PPP1R9A: variants seen among roughly 807,000 people sequenced by gnomAD.
PPP1R9A encodes the protein neurabin-1.
A neutral mutation model predicts 141.9 loss-of-function variants in PPP1R9A; 59 were observed. The ratio of observed to expected loss-of-function variants is 0.42; its 90% CI spans 0.34 to 0.52. The LOEUF (loss-of-function observed/expected upper bound fraction) is 0.52, where lower values mean the gene tolerates loss of function less well. PPP1R9A is among the 20% of genes least tolerant of loss of function. The probability of loss-of-function intolerance (pLI) is 0.10; values close to 1 mark genes in which losing one functional copy is unlikely to be tolerated. For synonymous variants in PPP1R9A, 500 were observed against 569.7 expected (o/e 0.88, Z 1.74); for missense variants, 1,444 against 1,611.9 (o/e 0.90, Z 1.78).
chr7:95,219,978 T>C (rs1035702365), intron 7 of PPP1R9A, among the ~76,000 whole-genome samples: 7 of 152,150 alleles, frequency 4.6e-5, no homozygotes, highest in African/African-American at 7.2e-5. Flanking sequence ...TCAGTTAGCA[T>C]ATTCTAGGCA....
chr7:95,024,905 T>TG (rs1313098200), intron 2 of PPP1R9A, among the ~76,000 whole-genome samples: 1 of 152,188 alleles, frequency 6.6e-6, no homozygotes, highest in Non-Finnish European at 1.5e-5. Context: ...GTTTTTGCAG[T>TG]GGCTCGTATC....
At chr7:95,174,514 T>C (rs1468555453) in intron 5 of PPP1R9A, among the ~76,000 whole-genome samples, 1 of 152,150 alleles carries the variant, frequency 6.6e-6, no homozygotes, top group Non-Finnish European at 1.5e-5. Context: ...TTAATGTATA[T>C]AGATTGAACT....
At chr7:95,216,157 T>G (rs1380938515) in intron 7 of PPP1R9A, among the ~76,000 whole-genome samples, 1 of 152,206 alleles carries the variant, frequency 6.6e-6, no homozygotes, top group Non-Finnish European at 1.5e-5. Flanking sequence ...GTATAAGGTA[T>G]AAGGAAGGGA....
intron 7 of PPP1R9A, among the ~76,000 whole-genome samples, chr7:95,214,672 T>A (rs1356608502): frequency 6.6e-6 from 1 of 152,136 alleles, no homozygotes; most frequent in Non-Finnish European, 1.5e-5. Context: ...TTTTGGAGTC[T>A]GCCTCCTATA....
At chr7:95,043,132 G>A (rs1333009863) in intron 2 of PPP1R9A, among the ~76,000 whole-genome samples, 1 of 152,040 alleles carries the variant, frequency 6.6e-6, no homozygotes, top group Non-Finnish European at 1.5e-5. Flanking sequence ...TTATTCTTTT[G>A]TGATATTTCC....
intron 12 of PPP1R9A, among the ~76,000 whole-genome samples, chr7:95,256,797 A>G (rs1799649696): frequency 6.6e-6 from 1 of 152,136 alleles, no homozygotes; most frequent in Non-Finnish European, 1.5e-5. Context: ...GAAGCATCAG[A>G]CATCAATCAT....
rs115308775 is a variant in PPP1R9A at position 95,202,654 on chromosome 7, A to G, written c.1891-1011A>G. 2.4e-3 allele frequency: 2,074 copies of G among 854,668 alleles called. 48 individuals are homozygous for G. The African/African-American group carries it at 0.036, about 15-fold the overall frequency. 52.9% of individuals were successfully genotyped at this position (854,668 alleles called of 1,614,324 possible). ...GGGGGGTATGATAAATTTTTCAACTAGAATTTAACTTTTTAGTAACATTTA... is the reference window on the plus strand; with the variant it reads ...GGGGGGTATGATAAATTTTTCAACTGGAATTTAACTTTTTAGTAACATTTA... On this transcript the variant is annotated intron_variant, in intron 6 of 19. Coordinates refer to ENST00000433360, the MANE Select transcript of PPP1R9A (RefSeq NM_001166160.2).
rs180882804 is a variant in PPP1R9A at position 95,163,566 on chromosome 7, A to G, written c.1754+1595A>G. On this transcript the variant is annotated intron_variant, in intron 5 of 19. Coordinates refer to ENST00000433360, the MANE Select transcript of PPP1R9A (RefSeq NM_001166160.2). ...ATATACTTAGTAGTTGAGCCTCCCTAATGTGAAAATTCGAAATCTGAAATG... is the reference window on the plus strand; with the variant it reads ...ATATACTTAGTAGTTGAGCCTCCCTGATGTGAAAATTCGAAATCTGAAATG... Among the ~76,000 whole-genome samples, 299 of 152,300 alleles carry G rather than the reference A, an allele frequency of 2.0e-3. 1 individual carries two copies. Among genetic ancestry groups the G allele is most frequent in the Admixed American group, 3.9e-3 (60 of 15,308 alleles).
At chr7:95,000,735 T>G (rs1462197794) in intron 2 of PPP1R9A, among the ~76,000 whole-genome samples, 1 of 152,178 alleles carries the variant, frequency 6.6e-6, no homozygotes, top group African/African-American at 2.4e-5. Context: ...GATAGGCTAA[T>G]CGTCTCTCTC....
chr7:94,914,807 C>G (rs543035589), intron 2 of PPP1R9A, among the ~76,000 whole-genome samples: 2 of 152,022 alleles, frequency 1.3e-5, no homozygotes, highest in Non-Finnish European at 2.9e-5. Flanking sequence ...GCAAATATAA[C>G]AAATACAACA....
chr7:95,244,152 T>A (rs1348889286), intron 8 of PPP1R9A, among the ~76,000 whole-genome samples: 3 of 152,188 alleles, frequency 2.0e-5, no homozygotes, highest in Non-Finnish European at 4.4e-5. Flanking sequence ...CTTTCCTATA[T>A]GTAAAGAATT....
At chr7:95,085,239 C>T (rs1816444838) in intron 2 of PPP1R9A, among the ~76,000 whole-genome samples, 1 of 151,446 alleles carries the variant, frequency 6.6e-6, no homozygotes, top group Non-Finnish European at 1.5e-5. Flanking sequence ...TTTTATTTCT[C>T]TTATTTATAT....
At chr7:94,986,238 A>G (rs971337366) in intron 2 of PPP1R9A, among the ~76,000 whole-genome samples, 1 of 152,144 alleles carries the variant, frequency 6.6e-6, no homozygotes, top group African/African-American at 2.4e-5. Flanking sequence ...TCCTTTTCCA[A>G]TATTCTTGTC....
chr7:94,985,467 T>A (rs1471996087), intron 2 of PPP1R9A, among the ~76,000 whole-genome samples: 1 of 152,140 alleles, frequency 6.6e-6, no homozygotes, highest in Non-Finnish European at 1.5e-5. Flanking sequence ...TAAGTCTCTT[T>A]TTAGATCTCT....
chr7:94,919,633 C>G (rs749286308), intron 2 of PPP1R9A, among the ~76,000 whole-genome samples: 1 of 152,122 alleles, frequency 6.6e-6, no homozygotes, highest in Non-Finnish European at 1.5e-5. Flanking sequence ...GACAGCTTCA[C>G]TACTTTAAAA....
At chr7:94,941,213 A>G (rs972775563) in intron 2 of PPP1R9A, among the ~76,000 whole-genome samples, 1 of 152,190 alleles carries the variant, frequency 6.6e-6, no homozygotes, top group African/African-American at 2.4e-5. Flanking sequence ...GCTGTTGCAG[A>G]GATCAAACAG....
chr7:95,093,100 T>C (rs1817575147), intron 2 of PPP1R9A, among the ~76,000 whole-genome samples: 1 of 152,184 alleles, frequency 6.6e-6, no homozygotes. Flanking sequence ...TTCTTATACA[T>C]GGGATGATGT....
chr7:94,954,604 A>C (rs1796865818), intron 2 of PPP1R9A, among the ~76,000 whole-genome samples: 1 of 151,810 alleles, frequency 6.6e-6, no homozygotes. Context: ...ACTTTTAAAG[A>C]TAACAGGGAA....
chr7:95,217,393 C>T (rs915904631), intron 7 of PPP1R9A, among the ~76,000 whole-genome samples: 1 of 152,194 alleles, frequency 6.6e-6, no homozygotes, highest in Non-Finnish European at 1.5e-5. Flanking sequence ...AGGATATTCA[C>T]ATCAATGTTC....
Sources: allele counts gnomAD v4.1 joint callset (sites outside exome capture counted in the v4.1 genomes callset), GRCh38; gene constraint gnomAD v4.1.1; transcripts MANE v1.5; gene names NCBI Gene and HGNC (gene_info 2026-07-23, HGNC 2026-07-21).